ADAMTSL1: variants seen among roughly 807,000 people sequenced by gnomAD.
ADAMTSL1 encodes ADAMTS like 1, also known as ADAMTS-like protein 1.
ADAMTSL1 carries 126 observed loss-of-function variants against 201.8 expected under a neutral mutation model. That is an observed-to-expected ratio of 0.62 (90% CI 0.54 to 0.72). The LOEUF is 0.72. Ranked by LOEUF, ADAMTSL1 falls within the 30% of genes least tolerant of loss-of-function variation. The pLI is 0.00. For synonymous variants in ADAMTSL1, 1,121 were observed against 903.4 expected (o/e 1.24, Z -4.32); for missense variants, 2,679 against 2,277.8 (o/e 1.18, Z -3.59).
chr9:18,413,584 C>A (rs1308034081), intron 2 of ADAMTSL1, among the ~76,000 whole-genome samples: 2 of 152,196 alleles, frequency 1.3e-5, no homozygotes, highest in African/African-American at 4.8e-5. Context: ...TTTTCCATAG[C>A]ATTTTAGGTG....
chr9:18,604,838 T>G (rs1349793861), intron 4 of ADAMTSL1, among the ~76,000 whole-genome samples: 1 of 152,190 alleles, frequency 6.6e-6, no homozygotes, highest in Non-Finnish European at 1.5e-5. Context: ...ACAGCCATAC[T>G]GTTTTCTGCA....
At chr9:18,775,106 G>A (rs1820901242) in intron 17 of ADAMTSL1, among the ~76,000 whole-genome samples, 1 of 151,974 alleles carries the variant, frequency 6.6e-6, no homozygotes, top group African/African-American at 2.4e-5. Flanking sequence ...GTATCTCATG[G>A]TGGTTTTGAC....
At chr9:18,632,796 C>T (rs1424420080) in intron 5 of ADAMTSL1, among the ~76,000 whole-genome samples, 2 of 152,174 alleles carry the variant, frequency 1.3e-5, no homozygotes, top group Non-Finnish European at 2.9e-5. Context: ...ACTTCTGTGC[C>T]ATGTGCTGCC....
At chr9:18,352,252 A>T (rs1836000133) in intron 2 of ADAMTSL1, among the ~76,000 whole-genome samples, 1 of 152,224 alleles carries the variant, frequency 6.6e-6, no homozygotes, top group Admixed American at 6.5e-5. Flanking sequence ...TGTTTGGAAA[A>T]GGAAACAAAC....
At chr9:17,998,970 C>A (rs1819498890) in intron 1 of ADAMTSL1, among the ~76,000 whole-genome samples, 1 of 152,026 alleles carries the variant, frequency 6.6e-6, no homozygotes, top group Non-Finnish European at 1.5e-5. Flanking sequence ...TGATGATACA[C>A]TCTTTCCTCT....
intron 2 of ADAMTSL1, among the ~76,000 whole-genome samples, chr9:18,454,332 T>C (rs907570909): frequency 1.3e-5 from 2 of 152,144 alleles, no homozygotes; most frequent in African/African-American, 4.8e-5. Context: ...TTCTCTCCTT[T>C]TTTGTTCCAT....
intron 15 of ADAMTSL1, among the ~76,000 whole-genome samples, chr9:18,740,924 A>G (rs947020090): frequency 6.6e-6 from 1 of 152,012 alleles, no homozygotes; most frequent in Non-Finnish European, 1.5e-5. Flanking sequence ...ACCTGTCAAG[A>G]CTCAGTCTGG....
rs541960483 is a variant in ADAMTSL1, at chr9:18,013,546, G to A, written c.87+106624G>A. ...TAGCCAATTCAAAAACCAAACCAAA[G>A]CAACCAAAAAACACGGATTCTAAAA... On this transcript the variant is annotated intron_variant, in intron 1 of 29. Coordinates refer to the ADAMTSL1 transcript ENST00000680146. 3.9e-5 allele frequency among the ~76,000 whole-genome samples: 6 copies of A among 152,052 alleles called. No homozygotes were observed. The East Asian group carries it at 7.8e-4, about 20-fold the overall frequency.
intron 2 of ADAMTSL1, among the ~76,000 whole-genome samples, chr9:18,291,570 G>T (rs1044773134): frequency 6.6e-6 from 1 of 151,944 alleles, no homozygotes; most frequent in African/African-American, 2.4e-5. Context: ...GCCTTATGTA[G>T]ACTCCCTTTG....
At chr9:18,041,458 G>A (rs779556198) in intron 1 of ADAMTSL1, among the ~76,000 whole-genome samples, 3 of 152,072 alleles carry the variant, frequency 2.0e-5, no homozygotes, top group Non-Finnish European at 2.9e-5. Flanking sequence ...GTAAAAGTTT[G>A]GAAATGTTGA....
At chr9:18,850,825 A>G (rs1409791247) in intron 23 of ADAMTSL1, among the ~76,000 whole-genome samples, 3 of 152,188 alleles carry the variant, frequency 2.0e-5, no homozygotes, top group Non-Finnish European at 4.4e-5. Flanking sequence ...TTACTTTTTA[A>G]TTGAGTTCCC....
Position 18,093,359 on chromosome 9 carries a change from T to A in ADAMTSL1, c.88-70503T>A, listed in dbSNP as rs143346327. Among the ~76,000 whole-genome samples the A allele has an allele frequency of 7.7e-3, 1,173 of 152,330 alleles. 22 individuals carry two copies. The highest frequency in any genetic ancestry group is 0.025 in the African/African-American group (1,060 of 41,588). The stretch of plus-strand genomic sequence containing the variant: ...GCTAGTTGACTAGCAGATACCTAAT[T>A]TAAGTTTTTTAAATGCAGACAGTTT... On this transcript the variant is annotated intron_variant, in intron 1 of 29. Coordinates refer to the ADAMTSL1 transcript ENST00000680146.
At chr9:17,997,090 G>A (rs1819412905) in intron 1 of ADAMTSL1, among the ~76,000 whole-genome samples, 1 of 152,052 alleles carries the variant, frequency 6.6e-6, no homozygotes, top group South Asian at 2.1e-4. Flanking sequence ...TATTCCATTG[G>A]TGCCATTAGC....
At chr9:18,489,828 C>G (rs534978852) in intron 1 of ADAMTSL1, among the ~76,000 whole-genome samples, 3 of 152,252 alleles carry the variant, frequency 2.0e-5, no homozygotes, top group Admixed American at 1.3e-4. Flanking sequence ...TAAAGAGATA[C>G]TAAATTCCTC....
At chr9:18,329,354 C>T (rs1834944511) in intron 2 of ADAMTSL1, among the ~76,000 whole-genome samples, 1 of 152,152 alleles carries the variant, frequency 6.6e-6, no homozygotes, top group African/African-American at 2.4e-5. Context: ...AAAATACCTT[C>T]ACACTCACTC....
chr9:17,954,544 A>G (rs988907333), intron 1 of ADAMTSL1, among the ~76,000 whole-genome samples: 6 of 152,204 alleles, frequency 3.9e-5, no homozygotes, highest in African/African-American at 1.4e-4. Context: ...TCAATGGGAA[A>G]AGCAGCTCCC....
At chr9:17,984,216 G>A (rs933217880) in intron 1 of ADAMTSL1, among the ~76,000 whole-genome samples, 4 of 152,016 alleles carry the variant, frequency 2.6e-5, no homozygotes, top group African/African-American at 9.6e-5. Context: ...AATTAAAAAA[G>A]GGACACATAA....
chr9:18,460,148 T>C (rs545004596), intron 2 of ADAMTSL1, among the ~76,000 whole-genome samples: 1 of 152,322 alleles, frequency 6.6e-6, no homozygotes, highest in East Asian at 1.9e-4. Context: ...GTCTTAAGCA[T>C]GACATTTCAT....
At chr9:17,985,213 T>G (rs1255904598) in intron 1 of ADAMTSL1, among the ~76,000 whole-genome samples, 1 of 152,142 alleles carries the variant, frequency 6.6e-6, no homozygotes, top group East Asian at 1.9e-4. Context: ...TTCTCTTTTT[T>G]GATGGTTAAT....
Sources: allele counts gnomAD v4.1 joint callset (sites outside exome capture counted in the v4.1 genomes callset), GRCh38; gene constraint gnomAD v4.1.1; transcripts MANE v1.5; gene names NCBI Gene and HGNC (gene_info 2026-07-23, HGNC 2026-07-21).